Variants in SORCS3 observed in about 807,000 individuals in gnomAD.
SORCS3 encodes the protein sortilin related VPS10 domain containing receptor 3.
SORCS3 carries 57 observed loss-of-function variants against 146.3 expected under a neutral mutation model. The observed-to-expected ratio is 0.39, with a 90% CI of 0.31 to 0.49. The LOEUF (loss-of-function observed/expected upper bound fraction) is 0.49. Ranked by LOEUF, SORCS3 falls within the 20% of genes least tolerant of loss-of-function variation. The probability of loss-of-function intolerance (pLI) is 0.92; values close to 1 mark genes in which losing one functional copy is unlikely to be tolerated. For missense variants in SORCS3, 1,341 were observed against 1,575.5 expected (o/e 0.85, Z 2.52); for synonymous variants, 653 against 618.5 (o/e 1.06, Z -0.83).
chr10:105,021,744 T>C (rs1387963832), intron 4 of SORCS3, among the ~76,000 whole-genome samples: 2 of 152,194 alleles, frequency 1.3e-5, no homozygotes, highest in East Asian at 3.8e-4. Context: ...TGTTTTCTCA[T>C]GGTGTCTCCA....
intron 1 of SORCS3, among the ~76,000 whole-genome samples, chr10:104,642,381 A>ACCCCC (rs2015435364): frequency 1.3e-5 from 1 of 76,458 alleles, no homozygotes; most frequent in Non-Finnish European, 2.7e-5. Flanking sequence ...CCCTACCCCC[A>ACCCCC]CCCCACCCCC....
rs560128664 is a variant in SORCS3 at position 104,780,550 on chromosome 10, G to A, written c.628-62242G>A. Among the ~76,000 whole-genome samples, 8 of 152,312 alleles carry A rather than the reference G, an allele frequency of 5.3e-5. No individual in the cohort carries two copies. In the East Asian group the frequency reaches 1.5e-3, roughly 29 times the overall value. On this transcript the variant is annotated intron_variant, in intron 1 of 26. Coordinates refer to ENST00000369701, the MANE Select transcript of SORCS3 (RefSeq NM_014978.3). ...AATGGGCTGCTTTGTTAGATGAACA[G>A]GTCAGTTCTGGTTATTGCCCCTGTT...
chr10:105,033,033 G>C (rs541407690), intron 4 of SORCS3, among the ~76,000 whole-genome samples: 1 of 152,296 alleles, frequency 6.6e-6, no homozygotes, highest in South Asian at 2.1e-4. Flanking sequence ...GAAAATGGTT[G>C]AGGGAATTGG....
At chr10:104,833,846 C>T (rs1015488693) in intron 1 of SORCS3, among the ~76,000 whole-genome samples, 3 of 152,174 alleles carry the variant, frequency 2.0e-5, no homozygotes, top group African/African-American at 7.2e-5. Flanking sequence ...TGTTTGACTT[C>T]TCCATTTGAA....
rs1361903933 is a variant in SORCS3 at position 105,068,200 on chromosome 10, C to A, written c.1029-21575C>A. 2.6e-5 allele frequency among the ~76,000 whole-genome samples: 4 copies of A among 152,186 alleles called. 1 individual carries two copies. Among genetic ancestry groups the A allele is most frequent in the Admixed American group, 1.3e-4 (2 of 15,276 alleles). On this transcript the variant is annotated intron_variant, in intron 5 of 26. Coordinates refer to ENST00000369701, the MANE Select transcript of SORCS3 (RefSeq NM_014978.3). ...GAAGAACTGCATCTCCTCCTTTCCCCAACTTGGTTAAATGAGTTCTCCTGA... is the reference window on the plus strand; with the variant it reads ...GAAGAACTGCATCTCCTCCTTTCCCAAACTTGGTTAAATGAGTTCTCCTGA...
chr10:105,221,565 A>G (rs988871306), intron 19 of SORCS3, among the ~76,000 whole-genome samples: 1 of 152,222 alleles, frequency 6.6e-6, no homozygotes, highest in Non-Finnish European at 1.5e-5. Flanking sequence ...GACTCATAAG[A>G]TAAAGGAAAA....
chr10:105,024,088 T>A (rs574716345), intron 4 of SORCS3, among the ~76,000 whole-genome samples: 1 of 152,338 alleles, frequency 6.6e-6, no homozygotes, highest in African/African-American at 2.4e-5. Flanking sequence ...ATGGAAACAC[T>A]GTCAGTGTTC....
At chr10:104,915,314 G>C (rs1213022056) in intron 2 of SORCS3, among the ~76,000 whole-genome samples, 1 of 152,062 alleles carries the variant, frequency 6.6e-6, no homozygotes, top group Non-Finnish European at 1.5e-5. Flanking sequence ...TTAGCCATTG[G>C]ACCCCATAAG....
intron 25 of SORCS3, among the ~76,000 whole-genome samples, chr10:105,261,787 C>T (rs2056961804): frequency 6.6e-6 from 1 of 152,166 alleles, no homozygotes; most frequent in Admixed American, 6.5e-5. Flanking sequence ...CAAAAAGAAA[C>T]TATTGTCATC....
At chr10:105,217,188 TC>T in intron 19 of SORCS3, 66 bp downstream of exon 19, 2 of 1,542,006 alleles carry the variant, frequency 1.3e-6, no homozygotes, top group Non-Finnish European at 1.8e-6. Flanking sequence ...TGTTCAGACT[TC>T]CTAAAATTCA....
chr10:105,066,867 A>C (rs547050389), intron 5 of SORCS3, among the ~76,000 whole-genome samples: 1 of 152,154 alleles, frequency 6.6e-6, no homozygotes, highest in Admixed American at 6.5e-5. Context: ...TCTCTCACCA[A>C]AAAAGTAGAG....
At chr10:104,898,458 A>G (rs1033253939) in intron 2 of SORCS3, among the ~76,000 whole-genome samples, 3 of 152,210 alleles carry the variant, frequency 2.0e-5, no homozygotes, top group African/African-American at 7.2e-5. Flanking sequence ...CTTGGGGGCC[A>G]TAAGTAATTA....
At chr10:104,941,756 T>G (rs1447142747) in intron 3 of SORCS3, among the ~76,000 whole-genome samples, 2 of 152,176 alleles carry the variant, frequency 1.3e-5, no homozygotes, top group Admixed American at 1.3e-4. Context: ...CAAAAATGAC[T>G]GTGGCATTGG....
chr10:105,154,338 T>A lies in SORCS3; in HGVS notation c.1483-2800T>A, dbSNP rs141440177. On this transcript the variant is annotated intron_variant, in intron 9 of 26. Transcript: ENST00000369701. ...CAAGGCAGATCATGGTAATTGCTTT[T>A]CTCAGCAGAGCCCTGGCTTCTTTGT... Among the ~76,000 whole-genome samples the A allele has an allele frequency of 8.9e-3, 1,350 of 152,320 alleles. 6 individuals carry two copies. The highest frequency in any genetic ancestry group is 0.026 in the South Asian group (125 of 4,824).
chr10:105,120,912 G>C (rs2055927869), intron 7 of SORCS3, among the ~76,000 whole-genome samples: 1 of 152,162 alleles, frequency 6.6e-6, no homozygotes, highest in African/African-American at 2.4e-5. Context: ...CCATGGGCAT[G>C]AGAAGTAAGG....
chr10:105,029,478 T>G (rs1359801235), intron 4 of SORCS3, among the ~76,000 whole-genome samples: 1 of 152,238 alleles, frequency 6.6e-6, no homozygotes, highest in Non-Finnish European at 1.5e-5. Context: ...TGAATTGTAC[T>G]TTCAGGAAAT....
chr10:105,245,721 T>C lies in SORCS3; in HGVS notation c.2992+56T>C, dbSNP rs1589708522. On this transcript the variant is annotated intron_variant, in intron 21 of 26. Coordinates refer to ENST00000369701, the MANE Select transcript of SORCS3 (RefSeq NM_014978.3). The stretch of plus-strand genomic sequence containing the variant: ...CTTCCCGCTCAGTTAATCTCCTGTG[T>C]CCACTCTCCCTACAATCATTGAGTG... 3 of 1,583,892 alleles carry C rather than the reference T, an allele frequency of 1.9e-6. No individual in the cohort carries two copies. In the East Asian group the frequency reaches 6.8e-5, roughly 36 times the overall value.
intron 1 of SORCS3, among the ~76,000 whole-genome samples, chr10:104,826,597 C>G (rs2017938249): frequency 6.6e-6 from 1 of 152,130 alleles, no homozygotes; most frequent in Non-Finnish European, 1.5e-5. Flanking sequence ...TAATGATTAC[C>G]CGAGCCTTTA....
chr10:104,764,693 T>G (rs1419100650), intron 1 of SORCS3, among the ~76,000 whole-genome samples: 2 of 152,190 alleles, frequency 1.3e-5, no homozygotes, highest in African/African-American at 2.4e-5. Context: ...GCCTGGTCCA[T>G]AGTACTGGGG....
Sources: gnomAD v4.1 joint callset for allele counts (sites outside exome capture counted in the v4.1 genomes callset) on GRCh38, gnomAD v4.1.1 for gene constraint, MANE v1.5 for transcripts, NCBI Gene and HGNC (gene_info 2026-07-23, HGNC 2026-07-21) for gene names.